The following LDAH variants were observed in gnomAD, a reference collection of about 807,000 sequenced individuals.
The protein encoded by LDAH is lipid droplet associated hydrolase, also known as lipid droplet-associated hydrolase.
In LDAH, 26 loss-of-function variants were observed where a neutral mutation model predicts 29.6. That is an observed-to-expected ratio of 0.88 (90% CI 0.64 to 1.22). The LOEUF is 1.22. Among genes scored for constraint, LDAH ranks in the 50% most tolerant of loss-of-function variants. The probability of loss-of-function intolerance (pLI) is 0.00; values close to 1 mark genes in which losing one functional copy is unlikely to be tolerated. For missense variants in LDAH, 344 were observed against 387.3 expected (o/e 0.89, Z 0.94); for synonymous variants, 117 against 133.0 (o/e 0.88, Z 0.83).
intron 6 of LDAH, among the ~76,000 whole-genome samples, chr2:20,697,068 ATCTT>A: frequency 6.6e-6 from 1 of 152,238 alleles, no homozygotes; most frequent in Non-Finnish European, 1.5e-5. Context: ...AGCCTCAAAT[ATCTT>A]TCTAAGCTTT....
At chr2:20,801,958 ATGTG>A (rs201368706) in intron 1 of LDAH, among the ~76,000 whole-genome samples, 5,522 of 138,592 alleles carry the variant, frequency 0.04, 250 homozygotes, top group African/African-American at 0.12. Flanking sequence ...GTGTGTGTGT[ATGTG>A]TGTGTGTGTG....
intron 1 of LDAH, among the ~76,000 whole-genome samples, chr2:20,817,669 T>C (rs1015945155): frequency 6.6e-6 from 1 of 152,132 alleles, no homozygotes; most frequent in Non-Finnish European, 1.5e-5. Context: ...TGGGCATTTA[T>C]CCCAGAGGGG....
rs1056065519 is a variant in LDAH, at chr2:20,684,966, G to C, written c.*1937C>G. 18 of 1,547,712 alleles carry C rather than the reference G, an allele frequency of 1.2e-5. No homozygotes were observed. The African/African-American group carries it at 2.3e-4, about 20-fold the overall frequency. On this transcript the variant is annotated 3_prime_UTR_variant, in exon 7 of 7. Coordinates refer to ENST00000237822, the MANE Select transcript of LDAH (RefSeq NM_021925.4). ...AGAAAGGTGGCTTTTCACTTTAAAAGAGAGACTTTGAGCCGAGTCTAACTC... is the reference window on the plus strand; with the variant it reads ...AGAAAGGTGGCTTTTCACTTTAAAACAGAGACTTTGAGCCGAGTCTAACTC...
chr2:20,710,304 A>G (rs1160507211), intron 5 of LDAH, among the ~76,000 whole-genome samples: 1 of 152,060 alleles, frequency 6.6e-6, no homozygotes, highest in African/African-American at 2.4e-5. Flanking sequence ...TTTGTGAAAA[A>G]CTTTATGTCA....
intron 4 of LDAH, among the ~76,000 whole-genome samples, chr2:20,766,880 C>T (rs2124984143): frequency 6.6e-6 from 1 of 152,294 alleles, no homozygotes; most frequent in South Asian, 2.1e-4. Flanking sequence ...GGGGACCGGC[C>T]AGCAGTGGAG....
chr2:20,821,146 G>A (rs1378984731), intron 1 of LDAH, among the ~76,000 whole-genome samples: 1 of 152,192 alleles, frequency 6.6e-6, no homozygotes, highest in Non-Finnish European at 1.5e-5. Flanking sequence ...GGAGAAACAG[G>A]AACACTTTTA....
intron 3 of LDAH, among the ~76,000 whole-genome samples, chr2:20,785,545 T>C (rs1049559962): frequency 7.2e-5 from 11 of 152,274 alleles, no homozygotes; most frequent in South Asian, 2.1e-4. Context: ...TCCTGCTTAG[T>C]GTGCTCTGAG....
At chr2:20,687,458 T>G (rs572287551) in intron 6 of LDAH, among the ~76,000 whole-genome samples, 51 of 152,368 alleles carry the variant, frequency 3.3e-4, no homozygotes, top group African/African-American at 1.1e-3. Context: ...GAATGACTAG[T>G]GACCAGTTAA....
chr2:20,819,064 A>C (rs1182924461), intron 1 of LDAH, among the ~76,000 whole-genome samples: 2 of 152,214 alleles, frequency 1.3e-5, no homozygotes, highest in African/African-American at 4.8e-5. Flanking sequence ...TGAAGATAAA[A>C]TCTATGACTA....
chr2:20,781,245 T>C (rs189666714), intron 3 of LDAH, among the ~76,000 whole-genome samples: 4 of 152,300 alleles, frequency 2.6e-5, no homozygotes, highest in Admixed American at 2.0e-4. Context: ...ACACTTTTTT[T>C]CCCCTCGAAT....
intron 1 of LDAH, among the ~76,000 whole-genome samples, chr2:20,814,726 T>C (rs1256022476): frequency 2.0e-5 from 3 of 152,214 alleles, no homozygotes; most frequent in African/African-American, 7.2e-5. Flanking sequence ...TTAAAAGTTT[T>C]AGTGAAGTAA....
At chr2:20,778,824 T>A (rs1227394199) in intron 3 of LDAH, among the ~76,000 whole-genome samples, 1 of 152,070 alleles carries the variant, frequency 6.6e-6, no homozygotes, top group Non-Finnish European at 1.5e-5. Flanking sequence ...TAGAAGATAT[T>A]CTTTATTACA....
intron 3 of LDAH, among the ~76,000 whole-genome samples, chr2:20,786,821 C>T (rs552798476): frequency 1.3e-5 from 2 of 152,248 alleles, no homozygotes; most frequent in South Asian, 2.1e-4. Context: ...TAGGGGAAGA[C>T]GGAGTTGGCT....
intron 4 of LDAH, among the ~76,000 whole-genome samples, chr2:20,743,600 CTT>C (rs1382833851): frequency 6.6e-6 from 1 of 152,072 alleles, no homozygotes; most frequent in Non-Finnish European, 1.5e-5. Context: ...TTTGAACAAA[CTT>C]ATCAGTTAGA....
At chr2:20,693,437 T>C (rs539566050) in intron 6 of LDAH, among the ~76,000 whole-genome samples, 1 of 152,352 alleles carries the variant, frequency 6.6e-6, no homozygotes, top group Non-Finnish European at 1.5e-5. Flanking sequence ...TGTTTTACCA[T>C]ATACTTACTC....
chr2:20,729,393 C>T (rs1170425558), intron 5 of LDAH, among the ~76,000 whole-genome samples: 2 of 152,158 alleles, frequency 1.3e-5, no homozygotes, highest in African/African-American at 4.8e-5. Flanking sequence ...AATAATTTGT[C>T]ATAGCTAGAC....
rs1669706416 is a variant in LDAH, at chr2:20,774,995, T to C, written c.299-16A>G. 6.3e-7 allele frequency: 1 copy of C among 1,575,232 alleles called. No individual in the cohort carries two copies. The highest frequency in any genetic ancestry group is 1.8e-5 in the Admixed American group (1 of 55,360). On this transcript the variant is annotated splice_polypyrimidine_tract_variant and intron_variant, in intron 3 of 6. Coordinates refer to ENST00000237822, the MANE Select transcript of LDAH (RefSeq NM_021925.4). ...GCGTTTGAATCTAAAAGCAAAAATA[T>C]GAGCACGTTTTCATTAAGTAAAAGT...
At chr2:20,743,502 TTG>T (rs780574418) in intron 4 of LDAH, among the ~76,000 whole-genome samples, 1 of 152,204 alleles carries the variant, frequency 6.6e-6, no homozygotes, top group Non-Finnish European at 1.5e-5. Context: ...CTCCTGCTCC[TTG>T]TGTTGTTGTC....
chr2:20,788,073 T>C (rs1670682610), intron 3 of LDAH, among the ~76,000 whole-genome samples: 1 of 152,256 alleles, frequency 6.6e-6, no homozygotes, highest in Non-Finnish European at 1.5e-5. Flanking sequence ...AGGACACCGA[T>C]TTTTTATTTT....
Sources: allele counts gnomAD v4.1 joint callset (sites outside exome capture counted in the v4.1 genomes callset), GRCh38; gene constraint gnomAD v4.1.1; transcripts MANE v1.5; gene names NCBI Gene and HGNC (gene_info 2026-07-23, HGNC 2026-07-21).